SLIT3: variants seen among roughly 807,000 people sequenced by gnomAD.
SLIT3 encodes the protein slit guidance ligand 3, also known as slit homolog 3 protein.
In SLIT3, 68 loss-of-function variants were observed where a neutral mutation model predicts 184.0. That is an observed-to-expected ratio of 0.37 (90% CI 0.30 to 0.45). The LOEUF is 0.45. Among genes scored for constraint, SLIT3 ranks in the 20% least tolerant of loss-of-function variants. The probability of loss-of-function intolerance (pLI) is 1.00; values close to 1 mark genes in which losing one functional copy is unlikely to be tolerated. For synonymous variants in SLIT3, 831 were observed against 828.6 expected (o/e 1.00, Z -0.05); for missense variants, 1,707 against 2,026.0 (o/e 0.84, Z 3.02).
intron 4 of SLIT3, among the ~76,000 whole-genome samples, chr5:169,188,020 T>A (rs1763417423): frequency 6.6e-6 from 1 of 152,154 alleles, no homozygotes. Flanking sequence ...TGCAGTGGTG[T>A]GATCTCAGCT....
chr5:168,749,725 G>T, intron 18 of SLIT3, 90 bp from the exon 19 acceptor site: 1 of 1,384,198 alleles, frequency 7.2e-7, no homozygotes, highest in Non-Finnish European at 1.0e-6. Flanking sequence ...CTCCTAGCCA[G>T]GAAGGAGGAG....
At chr5:169,054,428 A>G (rs1757920469) in intron 4 of SLIT3, among the ~76,000 whole-genome samples, 1 of 152,068 alleles carries the variant, frequency 6.6e-6, no homozygotes, top group African/African-American at 2.4e-5. Flanking sequence ...ATACATTTCC[A>G]TTGCTTTTAA....
intron 4 of SLIT3, among the ~76,000 whole-genome samples, chr5:168,956,305 G>C (rs571941761): frequency 6.6e-6 from 1 of 152,116 alleles, no homozygotes; most frequent in Non-Finnish European, 1.5e-5. Flanking sequence ...CTGAGAAATC[G>C]GAGTACTAGA....
intron 4 of SLIT3, among the ~76,000 whole-genome samples, chr5:169,095,423 G>A (rs190748696): frequency 1.4e-3 from 211 of 152,248 alleles, no homozygotes; most frequent in African/African-American, 4.9e-3. Flanking sequence ...AGGAAGCCCT[G>A]AGAAGCATAA....
chr5:168,759,937 G>GC (rs2113498662), intron 16 of SLIT3, among the ~76,000 whole-genome samples: 1 of 152,310 alleles, frequency 6.6e-6, no homozygotes, highest in Non-Finnish European at 1.5e-5. Flanking sequence ...ATGGTAAAGA[G>GC]CCTCCTCTTC....
intron 5 of SLIT3, among the ~76,000 whole-genome samples, chr5:168,861,080 G>A (rs1202997038): frequency 6.6e-6 from 1 of 152,122 alleles, no homozygotes; most frequent in Non-Finnish European, 1.5e-5. Context: ...TTTTTAAAAG[G>A]AGAAATTTAG....
Position 168,905,473 on chromosome 5 carries a change from G to A in SLIT3, c.414-22137C>T, listed in dbSNP as rs1331627361. ...TTCAACAGTAGTGAAGTACGATCAT[G>A]TATCTGCAAAGAAAAGGCAAGGAAA... On this transcript the variant is annotated intron_variant, in intron 4 of 35. Coordinates refer to ENST00000519560, the MANE Select transcript of SLIT3 (RefSeq NM_003062.4). Among the ~76,000 whole-genome samples, 3 of 152,218 alleles carry A rather than the reference G, an allele frequency of 2.0e-5. No homozygotes were observed. In the East Asian group the frequency reaches 5.8e-4, roughly 29 times the overall value.
At chr5:168,963,024 T>C (rs1763069890) in intron 4 of SLIT3, among the ~76,000 whole-genome samples, 1 of 152,254 alleles carries the variant, frequency 6.6e-6, no homozygotes, top group South Asian at 2.1e-4. Flanking sequence ...ACATGGTCAT[T>C]ATTACATTTA....
At chr5:168,957,454 C>G (rs1762862952) in intron 4 of SLIT3, among the ~76,000 whole-genome samples, 1 of 152,176 alleles carries the variant, frequency 6.6e-6, no homozygotes, top group African/African-American at 2.4e-5. Flanking sequence ...ACTCAGACAT[C>G]ACTTTGGACA....
intron 4 of SLIT3, among the ~76,000 whole-genome samples, chr5:168,897,998 T>C (rs1006207126): frequency 2.6e-4 from 40 of 152,064 alleles, no homozygotes; most frequent in African/African-American, 9.4e-4. Context: ...GTCCTTCCAG[T>C]CCCCCTCAGC....
intron 3 of SLIT3, among the ~76,000 whole-genome samples, chr5:169,229,764 C>T (rs1203636889): frequency 6.6e-6 from 1 of 151,994 alleles, no homozygotes; most frequent in East Asian, 1.9e-4. Context: ...AAATGAAGCA[C>T]TTCATATAGG....
At chr5:169,143,143 C>A (rs564526172) in intron 4 of SLIT3, among the ~76,000 whole-genome samples, 1 of 152,350 alleles carries the variant, frequency 6.6e-6, no homozygotes, top group South Asian at 2.1e-4. Context: ...AGCTGAAAAG[C>A]AGATTATGAA....
chr5:168,671,504 C>T, intron 33 of SLIT3, 21 bp from the exon 34 acceptor site: 1 of 1,600,346 alleles, frequency 6.2e-7, no homozygotes, highest in South Asian at 1.1e-5. Context: ...GGAGCCAGGA[C>T]AGTGGCCTGA....
intron 4 of SLIT3, among the ~76,000 whole-genome samples, chr5:169,069,449 C>A (rs1370396135): frequency 6.6e-6 from 1 of 152,204 alleles, no homozygotes; most frequent in Non-Finnish European, 1.5e-5. Flanking sequence ...GGCAGGGAGG[C>A]AGGCAGGCTG....
intron 4 of SLIT3, among the ~76,000 whole-genome samples, chr5:168,938,923 C>T (rs1762248138): frequency 6.6e-6 from 1 of 151,960 alleles, no homozygotes; most frequent in Non-Finnish European, 1.5e-5. Context: ...GCCACTGTGC[C>T]CAGCCTATAC....
chr5:169,216,609 C>T (rs989522037), intron 3 of SLIT3, among the ~76,000 whole-genome samples: 6 of 152,120 alleles, frequency 3.9e-5, no homozygotes, highest in African/African-American at 1.4e-4. Context: ...GAAGAACGTG[C>T]TGTAATGTTA....
At position 169,300,813 on chromosome 5, in the gene SLIT3, C is replaced by T; in HGVS notation, c.-104G>A. 2 of 1,164,504 alleles carry T rather than the reference C, an allele frequency of 1.7e-6. No homozygotes were observed. The highest frequency in any genetic ancestry group is 4.0e-5 in the South Asian group (1 of 25,296). 72.1% of individuals were successfully genotyped at this position (1,164,504 alleles called of 1,614,324 possible). A position where few individuals can be genotyped will look rare whatever the true frequency, so the allele number is the denominator to read the frequency against. On this transcript the variant is annotated 5_prime_UTR_variant, in exon 1 of 36. Transcript: ENST00000519560. The surrounding 1 kb of genome is among the most constrained non-coding windows in gnomAD (Gnocchi z 4.1). Reference sequence around the variant, plus strand: ...CGCGGGCGGCCTGGGGAGCGGGCGGCGGAGTTAGCGCGGAGGAGGGGCGAG... The same window carrying T: ...CGCGGGCGGCCTGGGGAGCGGGCGGTGGAGTTAGCGCGGAGGAGGGGCGAG...
chr5:168,963,543 G>A (rs1763084236), intron 4 of SLIT3, among the ~76,000 whole-genome samples: 1 of 152,228 alleles, frequency 6.6e-6, no homozygotes. Flanking sequence ...GGTTGTGACA[G>A]GGACTATTCT....
intron 20 of SLIT3, among the ~76,000 whole-genome samples, chr5:168,737,177 TC>T (rs964204652): frequency 6.6e-6 from 1 of 152,150 alleles, no homozygotes; most frequent in African/African-American, 2.4e-5. Flanking sequence ...GTGCTTGTCA[TC>T]TGCTGCGTCG....
Sources: gnomAD v4.1 joint callset for allele counts (sites outside exome capture counted in the v4.1 genomes callset) on GRCh38, gnomAD v4.1.1 for gene constraint, Gnocchi (gnomAD v3.1) non-coding constraint, MANE v1.5 for transcripts, NCBI Gene and HGNC (gene_info 2026-07-23, HGNC 2026-07-21) for gene names.